Variants in TRIM46 observed in about 807,000 individuals in gnomAD.
TRIM46 encodes the protein tripartite motif-containing protein 46.
In TRIM46, 17 loss-of-function variants were observed where a neutral mutation model predicts 69.7. The ratio of observed to expected loss-of-function variants is 0.24; its 90% CI spans 0.17 to 0.37. The LOEUF (loss-of-function observed/expected upper bound fraction) is 0.37. Among genes scored for constraint, TRIM46 ranks in the 10% least tolerant of loss-of-function variants. The probability of loss-of-function intolerance (pLI) is 1.00; values close to 1 mark genes in which losing one functional copy is unlikely to be tolerated. For missense variants in TRIM46, 675 were observed against 1,025.1 expected (o/e 0.66, Z 4.66); for synonymous variants, 391 against 429.0 (o/e 0.91, Z 1.09).
Position 155,178,573 on chromosome 1 carries a change from A to T in TRIM46, c.1245A>T (p.Gly415=), listed in dbSNP as rs1379532809. The T allele has an allele frequency of 1.9e-6, 3 of 1,613,884 alleles. No homozygotes were observed. In the Admixed American group the frequency reaches 5.0e-5, roughly 27 times the overall value. Residue 415 remains glycine, a synonymous_variant, in exon 7 of 10, where the codon GGA becomes GGT. Coordinates refer to ENST00000334634, the MANE Select transcript of TRIM46 (RefSeq NM_025058.5). ...TCCGCCATTGCCAGCTCGACGTGGG[A>T]CGTGAGATGAAGCTGCTGACAGAGC... ...SSFRHCQLDV[G]REMKLLTELN...
At chr1:155,174,675 C>G (rs932811517) in intron 1 of TRIM46, 1 of 1,457,630 alleles carries the variant, frequency 6.9e-7, no homozygotes, top group Admixed American at 2.6e-5. Flanking sequence ...GCCTGAGGAC[C>G]CCCACTCTCG....
Position 155,181,167 on chromosome 1 carries a change from G to A in TRIM46, c.1589-685G>A, listed in dbSNP as rs891829021. Reference sequence around the variant, plus strand: ...AGGCAGGAGAATGGCTTGAACCTGGGAGGCAGGGGTTGCAGTGAGCCAAGA... The same window carrying A: ...AGGCAGGAGAATGGCTTGAACCTGGAAGGCAGGGGTTGCAGTGAGCCAAGA... On this transcript the variant is annotated intron_variant, in intron 8 of 9. Transcript: ENST00000334634. This position sits in a 1 kb window ranked among gnomAD's most constrained non-coding sequence, Gnocchi z 4.3. Among the ~76,000 whole-genome samples, 15 of 152,184 alleles carry A rather than the reference G, an allele frequency of 9.9e-5. No homozygotes were observed. Among genetic ancestry groups the A allele is most frequent in the Non-Finnish European group, 2.2e-4 (15 of 68,036 alleles).
Position 155,184,273 on chromosome 1 carries a change from G to T in TRIM46, c.*83G>T, listed in dbSNP as rs1044212737. On this transcript the variant is annotated 3_prime_UTR_variant, in exon 10 of 10. Coordinates refer to ENST00000334634, the MANE Select transcript of TRIM46 (RefSeq NM_025058.5). This position sits in a 1 kb window ranked among gnomAD's most constrained non-coding sequence, Gnocchi z 5.6. ...CTTGGCACCCGGTTGTTACCCCCTG[G>T]CAGCTTCTCCCCCAAACTCTCCTAC... 2 of 1,401,932 alleles carry T rather than the reference G, an allele frequency of 1.4e-6. No individual in the cohort carries two copies. The highest frequency in any genetic ancestry group is 2.9e-5 in the African/African-American group (2 of 69,054). 86.8% of individuals were successfully genotyped at this position (1,401,932 alleles called of 1,614,324 possible). A position where few individuals can be genotyped will look rare whatever the true frequency, so the allele number is the denominator to read the frequency against.
rs1557820727 is a variant in TRIM46, at chr1:155,184,423, C to T, written c.*233C>T. ...CCATTGCTTGTTAGCCAGGCCCCCA[C>T]CCCCACTGAGTCTGCCCTATGACCT... On this transcript the variant is annotated 3_prime_UTR_variant, in exon 10 of 10. Transcript: ENST00000334634. The surrounding 1 kb of genome is among the most constrained non-coding windows in gnomAD (Gnocchi z 5.6). The T allele has an allele frequency of 3.6e-6, 2 of 555,714 alleles. No homozygotes were observed. Among genetic ancestry groups the T allele is most frequent in the South Asian group, 2.3e-5 (1 of 42,686 alleles). The allele number at this position is 555,714 out of a possible 1,614,324, so 34.4% of individuals were successfully genotyped here.
At position 155,181,920 on chromosome 1, in the gene TRIM46, C is replaced by A; in HGVS notation, c.1657C>A (p.Arg553=). 6.2e-7 allele frequency: 1 copy of A among 1,614,032 alleles called. No individual in the cohort carries two copies. Among genetic ancestry groups the A allele is most frequent in the Non-Finnish European group, 8.5e-7 (1 of 1,180,030 alleles). Reference sequence around the variant, plus strand: ...GCGGCTGGCTATCAGCAAGGACCAGCGAGCAGTACGGAGTGTTCCAGGGCT... The same window carrying A: ...GCGGCTGGCTATCAGCAAGGACCAGAGAGCAGTACGGAGTGTTCCAGGGCT... The part of the protein sequence containing the change: ...RERLAISKDQ[R]AVRSVPGLPL... The change falls in exon 9 of 10, where the codon CGA becomes AGA. Residue 553 remains arginine, a synonymous_variant. Coordinates refer to ENST00000334634, the MANE Select transcript of TRIM46 (RefSeq NM_025058.5). The surrounding 1 kb of genome is among the most constrained non-coding windows in gnomAD (Gnocchi z 4.3).
chr1:155,183,937 G>A lies in TRIM46; in HGVS notation c.2027G>A (p.Arg676Lys). ...AGCTCAAACGCAGGGCTGACAGGGA[G>A]GGATGGCCCCACAGCCGGCTGCACA... ...GASSNAGLTG[R>K]DGPTAGCTVP... Residue 676 changes from arginine to lysine, a missense_variant, in exon 10 of 10, where the codon AGG becomes AAG. By Grantham distance (26) the Arg-to-Lys change is conservative. Transcript: ENST00000334634. The A allele has an allele frequency of 6.2e-7, 1 of 1,613,954 alleles. No homozygotes were observed. The highest frequency in any genetic ancestry group is 1.7e-5 in the Admixed American group (1 of 60,020).
chr1:155,176,576 C>T (rs1011466427), intron 3 of TRIM46, among the ~76,000 whole-genome samples: 7 of 152,182 alleles, frequency 4.6e-5, no homozygotes, highest in African/African-American at 1.7e-4. Flanking sequence ...TTATTGAGCA[C>T]CTATGTGCAT....
chr1:155,178,995 C>CTGT (rs1665930327), intron 7 of TRIM46: 3 of 483,608 alleles, frequency 6.2e-6, no homozygotes, highest in Non-Finnish European at 1.1e-5. Context: ...GGACCAATGC[C>CTGT]CTGTCTCCCT....
Position 155,179,837 on chromosome 1 carries a change from C to T in TRIM46, c.1491C>T (p.Asp497=), listed in dbSNP as rs756362686. The T allele has an allele frequency of 1.2e-6, 2 of 1,613,588 alleles. No individual in the cohort carries two copies. The highest frequency in any genetic ancestry group is 1.3e-5 in the African/African-American group (1 of 75,084). The part of the protein sequence containing the change: ...RGTSALLENP[D]TGSVYVLRVR... ...CCAGTGCCCTGCTTGAGAACCCCGA[C>T]ACGGGCTCTGTGTATGTGCTGCGTG... Residue 497 remains aspartate, a synonymous_variant, in exon 8 of 10, where the codon GAC becomes GAT. Transcript: ENST00000334634.
At position 155,182,138 on chromosome 1, in the gene TRIM46, G is replaced by T. The variant is rs754996461; in HGVS notation, c.1875G>T (p.Val625=). Residue 625 remains valine, a synonymous_variant, in exon 9 of 10, where the codon GTG becomes GTT. Coordinates refer to ENST00000334634, the MANE Select transcript of TRIM46 (RefSeq NM_025058.5). ...AAAGTTTCCAGGGTGCCCCCGATGTGATCAGCCCCAGGTCAGACCCCTCTG... is the reference window on the plus strand; with the variant it reads ...AAAGTTTCCAGGGTGCCCCCGATGTTATCAGCCCCAGGTCAGACCCCTCTG... ...LQESFQGAPD[V]ISPRYDPDSG... The T allele has an allele frequency of 6.2e-7, 1 of 1,614,022 alleles. No individual in the cohort carries two copies. Among genetic ancestry groups the T allele is most frequent in the Admixed American group, 1.7e-5 (1 of 60,014 alleles).
In TRIM46 at chr1:155,183,161, T is replaced by C. The variant is rs533889048; in HGVS notation, c.1887-636T>C. 4.6e-3 allele frequency among the ~76,000 whole-genome samples: 706 copies of C among 151,984 alleles called. 3 individuals carry two copies. Among genetic ancestry groups the C allele is most frequent in the African/African-American group, 0.016 (648 of 41,420 alleles). ...TCCTGACCTCGTGATCCGCCCACCT[T>C]GGCCTCCCAAAGTGCTGGGATTACA... On this transcript the variant is annotated intron_variant, in intron 9 of 9. Transcript: ENST00000334634.
intron 9 of TRIM46, among the ~76,000 whole-genome samples, 176 bp from the exon 10 acceptor site, chr1:155,183,621 C>T (rs561929541): frequency 2.6e-5 from 4 of 152,174 alleles, no homozygotes; most frequent in Non-Finnish European, 5.9e-5. Flanking sequence ...CCACCAAACC[C>T]AAACCCCTGA....
intron 8 of TRIM46, chr1:155,180,503 G>C: frequency 2.5e-6 from 1 of 401,182 alleles, no homozygotes; most frequent in South Asian, 6.5e-5. Context: ...GCTGAGGTAG[G>C]AGAATCGCTT....
At chr1:155,183,749 C>A in intron 9 of TRIM46, 48 bp from the exon 10 acceptor site, 1 of 1,589,306 alleles carries the variant, frequency 6.3e-7, no homozygotes, top group South Asian at 1.1e-5. Flanking sequence ...GTACCTCATC[C>A]GTCACTCCAT....
At chr1:155,180,982 C>A (rs1231618222) in intron 8 of TRIM46, among the ~76,000 whole-genome samples, 1 of 152,174 alleles carries the variant, frequency 6.6e-6, no homozygotes, top group Non-Finnish European at 1.5e-5. Context: ...CGCCTGTAAT[C>A]CCAGCACTTT....
rs1197415837 is a variant in TRIM46, at chr1:155,179,656, C to T, written c.1310C>T (p.Thr437Ile). The T allele has an allele frequency of 1.2e-6, 2 of 1,608,268 alleles. No individual in the cohort carries two copies. The highest frequency in any genetic ancestry group is 1.7e-6 in the Non-Finnish European group (2 of 1,176,538). The change falls in exon 8 of 10, where the codon ACC becomes ATC. Residue 437 changes from threonine (T) to isoleucine (I), a missense_variant. By Grantham distance (89) the Thr-to-Ile change is moderately conservative. This residue lies in a region of TRIM46 where 361 missense variants were observed against 498.3 expected (regional missense o/e 0.72). Transcript: ENST00000334634. Reference sequence around the variant, plus strand: ...GTGCCTGAGGCCCCCGTCATTGACACCCAGCGCACCTTTGCCTATGATCAG... The same window carrying T: ...GTGCCTGAGGCCCCCGTCATTGACATCCAGCGCACCTTTGCCTATGATCAG... ...LRVPEAPVID[T>I]QRTFAYDQIF...
chr1:155,175,232 C>A lies in TRIM46; in HGVS notation c.64-154C>A. On this transcript the variant is annotated intron_variant, in intron 1 of 9. Transcript: ENST00000334634. The surrounding 1 kb of genome is among the most constrained non-coding windows in gnomAD (Gnocchi z 4.2). ...GCAAGGGACAGAGGTCTGGGAAGGTCTGTGAACCAGCCCAAGGCAGGTGCT... is the reference window on the plus strand; with the variant it reads ...GCAAGGGACAGAGGTCTGGGAAGGTATGTGAACCAGCCCAAGGCAGGTGCT... The A allele has an allele frequency of 6.6e-7, 1 of 1,510,228 alleles. No homozygotes were observed. The highest frequency in any genetic ancestry group is 8.8e-7 in the Non-Finnish European group (1 of 1,140,446). 93.6% of individuals were successfully genotyped at this position (1,510,228 alleles called of 1,614,324 possible).
At chr1:155,176,670 A>G (rs1665678241) in intron 3 of TRIM46, among the ~76,000 whole-genome samples, 1 of 152,256 alleles carries the variant, frequency 6.6e-6, no homozygotes, top group Admixed American at 6.5e-5. Flanking sequence ...ATTAATTGGC[A>G]TCATTATTAC....
At position 155,175,506 on chromosome 1, in the gene TRIM46, G is replaced by A. The variant is rs866733189; in HGVS notation, c.184G>A (p.Gly62Ser). ...CCAGGCCTGTGCCCGAGAGGTCTTGGGCCAGCAGGGCTACATAGGACATGG... is the reference window on the plus strand; with the variant it reads ...CCAGGCCTGTGCCCGAGAGGTCTTGAGCCAGCAGGGCTACATAGGACATGG... ...VCQACAREVLGQQGYIGHGGD... is the reference protein window; with the variant it reads ...VCQACAREVLSQQGYIGHGGD... Residue 62 changes from glycine to serine, a missense_variant, in exon 2 of 10, where the codon GGC becomes AGC. This residue lies in a region of TRIM46 where 170 missense variants were observed against 255.6 expected (regional missense o/e 0.67). Coordinates refer to ENST00000334634, the MANE Select transcript of TRIM46 (RefSeq NM_025058.5). The surrounding 1 kb of genome is among the most constrained non-coding windows in gnomAD (Gnocchi z 4.2). 6 of 1,613,994 alleles carry A rather than the reference G, an allele frequency of 3.7e-6. No homozygotes were observed. The African/African-American group carries it at 6.7e-5, about 18-fold the overall frequency.
Sources: gnomAD v4.1 joint callset for allele counts (sites outside exome capture counted in the v4.1 genomes callset) on GRCh38, gnomAD v4.1.1 for gene constraint, gnomAD v4.1.1 regional missense constraint, Gnocchi (gnomAD v3.1) non-coding constraint, MANE v1.5 for transcripts, NCBI Gene and HGNC (gene_info 2026-07-23, HGNC 2026-07-21) for gene names.